The following FDFT1 variants were observed in gnomAD, a reference collection of about 807,000 sequenced individuals.
The protein encoded by FDFT1 is farnesyl-diphosphate farnesyltransferase 1.
FDFT1 carries 68 observed loss-of-function variants against 46.8 expected under a neutral mutation model. The observed-to-expected ratio is 1.45, with a 90% CI of 1.19 to 1.78. The LOEUF (loss-of-function observed/expected upper bound fraction) is 1.78. Ranked by LOEUF, FDFT1 falls within the 40% of genes most tolerant of loss-of-function variation. The probability of loss-of-function intolerance (pLI) is 0.00; values close to 1 mark genes in which losing one functional copy is unlikely to be tolerated. For synonymous variants in FDFT1, 351 were observed against 185.1 expected (o/e 1.90, Z -7.28); for missense variants, 928 against 524.4 (o/e 1.77, Z -7.52).
chr8:11,808,914 C>G (rs767520239), intron 2 of FDFT1, 23 bp downstream of exon 2: 4 of 1,608,828 alleles, frequency 2.5e-6, no homozygotes, highest in Admixed American at 1.7e-5. Flanking sequence ...GGCAGCGCCT[C>G]TGGCTTGGAG....
intron 1 of FDFT1, 180 bp downstream of exon 1, chr8:11,803,111 T>C: frequency 6.3e-6 from 9 of 1,428,984 alleles, no homozygotes; most frequent in South Asian, 2.9e-5. Flanking sequence ...GACGCGGCCG[T>C]CCTGGCTGAC....
intron 1 of FDFT1, 150 bp from the exon 2 acceptor site, chr8:11,808,644 G>A: frequency 2.1e-6 from 3 of 1,399,788 alleles, no homozygotes; most frequent in Non-Finnish European, 2.8e-6. Context: ...CTTGCCTCCT[G>A]CCGCCTGGCC....
intron 7 of FDFT1, among the ~76,000 whole-genome samples, chr8:11,832,551 CAAAAAAAAAAAAAAAA>C (rs531759815): frequency 2.8e-5 from 1 of 36,358 alleles, no homozygotes; most frequent in Non-Finnish European, 5.5e-5. Context: ...GACTTTGTCT[CAAAAAAAAAAAAAAAA>C]AAAAAAAAAG....
At chr8:11,808,529 C>T (rs1031680057) in intron 1 of FDFT1, 9 of 1,334,036 alleles carry the variant, frequency 6.7e-6, no homozygotes, top group Middle Eastern at 2.8e-4. Context: ...TGGCCGCAGC[C>T]GCCTGCGGCA....
Position 11,807,128 on chromosome 8 carries a change from AT to A in FDFT1, c.100-1659del, listed in dbSNP as rs376463767. 9.2e-3 allele frequency among the ~76,000 whole-genome samples: 1,395 copies of A among 152,142 alleles called. 23 individuals are homozygous for A. Among genetic ancestry groups the A allele is most frequent in the African/African-American group, 0.032 (1,309 of 41,516 alleles). On this transcript the variant is annotated intron_variant, in intron 1 of 7. Coordinates refer to ENST00000220584, the MANE Select transcript of FDFT1 (RefSeq NM_004462.5). ...AATTTCCTAGAAGTGGATATGCCATATTTTTTTAACCACTCCTATTGGATAT... is the reference window on the plus strand; with the variant it reads ...AATTTCCTAGAAGTGGATATGCCATATTTTTTAACCACTCCTATTGGATAT...
chr8:11,830,334 A>G lies in FDFT1; in HGVS notation c.793A>G (p.Asn265Asp). Reference protein sequence around the residue: ...AVQCLNELITNALHHIPDVIT... With the variant: ...AVQCLNELITDALHHIPDVIT... Reference sequence around the variant, plus strand: ...GCAGTGCCTGAATGAACTTATAACCAATGCACTGCACCACATCCCAGATGT... The same window carrying G: ...GCAGTGCCTGAATGAACTTATAACCGATGCACTGCACCACATCCCAGATGT... Residue 265 changes from asparagine (N) to aspartate (D), a missense_variant, in exon 6 of 8, where the codon AAT becomes GAT. Transcript: ENST00000220584. 1 of 1,613,428 alleles carries G rather than the reference A, an allele frequency of 6.2e-7. No individual in the cohort carries two copies.
Position 11,808,798 on chromosome 8 carries a change from C to T in FDFT1, c.104C>T (p.Ser35Leu), listed in dbSNP as rs751451775. ...GTGTGTGTTGTCTGCCCGCAGGACT[C>T]GCTCAGCAGCAGCCTGAAAACTTGC... Reference protein sequence around the residue: ...RKVMPKMDQDSLSSSLKTCYK... With the variant: ...RKVMPKMDQDLLSSSLKTCYK... The change falls in exon 2 of 8, where the codon TCG becomes TTG. Residue 35 changes from serine to leucine, a missense_variant. Ser to Leu is a moderately radical substitution (Grantham distance 145). Coordinates refer to ENST00000220584, the MANE Select transcript of FDFT1 (RefSeq NM_004462.5). 6.8e-6 allele frequency: 11 copies of T among 1,613,658 alleles called. No individual in the cohort carries two copies. The highest frequency in any genetic ancestry group is 3.3e-5 in the Admixed American group (2 of 60,000).
intron 1 of FDFT1, chr8:11,803,358 T>A (rs1806388888): frequency 7.7e-7 from 1 of 1,290,456 alleles, no homozygotes; most frequent in Non-Finnish European, 1.0e-6. Flanking sequence ...GAATGAAGTC[T>A]GACTCCTCCA....
At chr8:11,826,284 T>G (rs1249169533) in intron 5 of FDFT1, 69 bp downstream of exon 5, 1 of 1,241,720 alleles carries the variant, frequency 8.1e-7, no homozygotes. Flanking sequence ...TTAACTCTTG[T>G]GGTTGCGGGT....
rs1304808625 is a variant in FDFT1 at position 11,838,896 on chromosome 8, T to A, written c.*287T>A. On this transcript the variant is annotated 3_prime_UTR_variant, in exon 8 of 8. Transcript: ENST00000220584. The stretch of plus-strand genomic sequence containing the variant: ...GGTTTAGGTGAAGTCGCTGCATATG[T>A]GACTGTCATGAGATCCTACTTAGTA... The A allele has an allele frequency of 2.4e-6, 1 of 416,384 alleles. No homozygotes were observed. The highest frequency in any genetic ancestry group is 4.4e-6 in the Non-Finnish European group (1 of 228,004). 25.8% of individuals were successfully genotyped at this position (416,384 alleles called of 1,614,324 possible).
chr8:11,828,993 G>C (rs932155113), intron 5 of FDFT1, among the ~76,000 whole-genome samples: 18 of 151,550 alleles, frequency 1.2e-4, no homozygotes, highest in African/African-American at 4.1e-4. Context: ...GTGTAGATGT[G>C]TGTTTTCCTT....
At chr8:11,822,852 G>C (rs942200108) in intron 4 of FDFT1, among the ~76,000 whole-genome samples, 1 of 152,166 alleles carries the variant, frequency 6.6e-6, no homozygotes, top group Non-Finnish European at 1.5e-5. Flanking sequence ...TTCTGGCCAA[G>C]AACCAGCACT....
chr8:11,805,219 T>G (rs1477984330), intron 1 of FDFT1, among the ~76,000 whole-genome samples: 1 of 152,240 alleles, frequency 6.6e-6, no homozygotes, highest in Non-Finnish European at 1.5e-5. Flanking sequence ...CCCAACCAGT[T>G]TCTCTCTGCA....
chr8:11,807,780 G>A (rs886742791), intron 1 of FDFT1, among the ~76,000 whole-genome samples: 3 of 152,220 alleles, frequency 2.0e-5, no homozygotes, highest in African/African-American at 7.2e-5. Flanking sequence ...GGAATGGCTG[G>A]CTTTCTAGAG....
rs144241628 is a variant in FDFT1 at position 11,808,799 on chromosome 8, G to A, written c.105G>A (p.Ser35=). 18 of 1,613,218 alleles carry A rather than the reference G, an allele frequency of 1.1e-5. No homozygotes were observed. Among genetic ancestry groups the A allele is most frequent in the East Asian group, 2.2e-5 (1 of 44,884 alleles). Residue 35 remains serine (S), a synonymous_variant, in exon 2 of 8, where the codon TCG becomes TCA. Coordinates refer to ENST00000220584, the MANE Select transcript of FDFT1 (RefSeq NM_004462.5). ...TGTGTGTTGTCTGCCCGCAGGACTC[G>A]CTCAGCAGCAGCCTGAAAACTTGCT... ...RKVMPKMDQD[S]LSSSLKTCYK...
intron 3 of FDFT1, among the ~76,000 whole-genome samples, chr8:11,812,469 G>A (rs1275565076): frequency 6.6e-6 from 1 of 152,156 alleles, no homozygotes; most frequent in Non-Finnish European, 1.5e-5. Context: ...GATTCAGGAA[G>A]CAGTGGAAGG....
At chr8:11,825,836 A>G (rs904012) in intron 4 of FDFT1, among the ~76,000 whole-genome samples, 188 bp from the exon 5 acceptor site, 150,885 of 152,380 alleles carry the variant, frequency 0.99, 74,721 homozygotes, top group East Asian at 1. Context: ...AGAGACTGCT[A>G]TGAAATGTTT....
chr8:11,831,717 A>G (rs771595508), intron 7 of FDFT1, 47 bp downstream of exon 7: 4 of 1,483,178 alleles, frequency 2.7e-6, no homozygotes, highest in South Asian at 1.1e-5. Flanking sequence ...TACTTTTATG[A>G]TTTAGTAATG....
chr8:11,802,723 C>T (rs967397649), upstream of FDFT1: 4 of 834,458 alleles, frequency 4.8e-6, no homozygotes, highest in African/African-American at 1.7e-5. Context: ...GGCCTGCCCC[C>T]TGTCCGGCCA....
Sources: allele counts gnomAD v4.1 joint callset (sites outside exome capture counted in the v4.1 genomes callset), GRCh38; gene constraint gnomAD v4.1.1; transcripts MANE v1.5; gene names NCBI Gene and HGNC (gene_info 2026-07-23, HGNC 2026-07-21).